RUNX1T1: variants seen among roughly 807,000 people sequenced by gnomAD.
RUNX1T1 encodes the protein RUNX1 partner transcriptional co-repressor 1.
In RUNX1T1, 4 loss-of-function variants were observed where a neutral mutation model predicts 62.8. The observed-to-expected ratio is 0.06, with a 90% CI of 0.03 to 0.15. The LOEUF (loss-of-function observed/expected upper bound fraction) is 0.15, where lower values mean the gene tolerates loss of function less well. Among genes scored for constraint, RUNX1T1 ranks in the 10% least tolerant of loss-of-function variants. RUNX1T1 has a pLI of 1.00. For synonymous variants in RUNX1T1, 291 were observed against 286.0 expected (o/e 1.02, Z -0.18); for missense variants, 508 against 754.3 (o/e 0.67, Z 3.82).
Position 91,970,043 on chromosome 8 carries a change from T to TGTGTGTGTGTGTTGTG in RUNX1T1, c.1458+614_1458+615insCACAACACACACACAC, listed in dbSNP as rs11374252. The stretch of plus-strand genomic sequence containing the variant: ...CTGTGTGTGTGTGTGTGTGTGTGTG[T>TGTGTGTGTGTGTTGTG]TGTGTGTGTGTGTGTGAGAATTATT... On this transcript the variant is annotated intron_variant, in intron 10 of 10. Coordinates refer to ENST00000396218, the Ensembl canonical transcript of RUNX1T1. 4.4e-3 allele frequency among the ~76,000 whole-genome samples: 623 copies of TGTGTGTGTGTGTTGTG among 142,794 alleles called. 5 individuals are homozygous for TGTGTGTGTGTGTTGTG. Among genetic ancestry groups the TGTGTGTGTGTGTTGTG allele is most frequent in the African/African-American group, 0.016 (596 of 37,792 alleles). 93.7% of individuals were successfully genotyped at this position (142,794 alleles called of 152,430 possible). A position where few individuals can be genotyped will look rare whatever the true frequency, so the allele number is the denominator to read the frequency against.
chr8:92,095,399 C>T, intron 1 of RUNX1T1: 2 of 1,535,552 alleles, frequency 1.3e-6, no homozygotes, highest in South Asian at 2.4e-5. Context: ...GCACCCAGAC[C>T]GCGGCTTTGT....
chr8:91,977,424 T>C (rs1324046401), intron 8 of RUNX1T1: 5 of 195,156 alleles, frequency 2.6e-5, no homozygotes, highest in Admixed American at 6.1e-5. Context: ...AAAACGTTTT[T>C]ACTGAAGTAA....
chr8:92,097,821 A>G (rs1242100647), intron 1 of RUNX1T1, among the ~76,000 whole-genome samples: 2 of 152,202 alleles, frequency 1.3e-5, no homozygotes, highest in Non-Finnish European at 2.9e-5. Flanking sequence ...AGATCAACCA[A>G]TTCTCAAATG....
At chr8:92,014,059 A>G (rs1332804182) in intron 3 of RUNX1T1, among the ~76,000 whole-genome samples, 4 of 152,154 alleles carry the variant, frequency 2.6e-5, no homozygotes, top group Non-Finnish European at 5.9e-5. Context: ...AAAAAATTTC[A>G]ATGTTATTCA....
At chr8:92,095,915 T>G (rs1004480311) in intron 1 of RUNX1T1, among the ~76,000 whole-genome samples, 1 of 152,184 alleles carries the variant, frequency 6.6e-6, no homozygotes, top group Non-Finnish European at 1.5e-5. Context: ...AAGAGCTCTC[T>G]TTTGGCAGAG....
In RUNX1T1 at chr8:92,018,738, A is replaced by G. The variant is rs150215182; in HGVS notation, c.8-1375T>C. ...AATTGCTTAACACTTGGGTTGCAAT[A>G]AAACACAACATTTAAAAGTTGAAAT... On this transcript the variant is annotated intron_variant, in intron 1 of 10. Coordinates refer to ENST00000396218, the Ensembl canonical transcript of RUNX1T1. Among the ~76,000 whole-genome samples, 32 of 152,342 alleles carry G rather than the reference A, an allele frequency of 2.1e-4. 1 individual carries two copies. Among genetic ancestry groups the G allele is most frequent in the African/African-American group, 7.5e-4 (31 of 41,584 alleles).
chr8:92,002,364 T>A (rs900240253), intron 5 of RUNX1T1, among the ~76,000 whole-genome samples: 10 of 151,974 alleles, frequency 6.6e-5, no homozygotes, highest in African/African-American at 2.4e-4. Context: ...AACAATTTCA[T>A]AGACTTCCCT....
At chr8:92,049,064 G>A (rs1829848146) in intron 1 of RUNX1T1, among the ~76,000 whole-genome samples, 1 of 152,114 alleles carries the variant, frequency 6.6e-6, no homozygotes, top group Admixed American at 6.5e-5. Flanking sequence ...CACCTGATCA[G>A]CTGGTTTTTC....
chr8:91,987,042 A>G (rs1816717867), intron 6 of RUNX1T1, 70 bp from the exon 8 acceptor site: 3 of 1,007,258 alleles, frequency 3.0e-6, no homozygotes, highest in Admixed American at 1.7e-5. Flanking sequence ...ACAGACTCAT[A>G]GCAAGGACTA....
exon 1 of RUNX1T1, chr8:92,062,667 G>A: frequency 1.2e-6 from 2 of 1,613,492 alleles, no homozygotes; most frequent in South Asian, 2.2e-5. Context: ...CATCAGAGGG[G>A]CTGGGGCGGC....
chr8:92,100,565 C>T (rs888454625), upstream of RUNX1T1, among the ~76,000 whole-genome samples: 1 of 152,088 alleles, frequency 6.6e-6, no homozygotes, highest in Non-Finnish European at 1.5e-5. Context: ...ATGCTGAACA[C>T]AGCACAAGAA....
At chr8:91,977,418 C>T (rs561070266) in intron 8 of RUNX1T1, 2 of 194,130 alleles carry the variant, frequency 1.0e-5, no homozygotes, top group South Asian at 3.8e-4. Context: ...AAAATAAAAA[C>T]GTTTTTACTG....
At chr8:91,994,352 C>A in intron 5 of RUNX1T1, 1 of 189,758 alleles carries the variant, frequency 5.3e-6, no homozygotes, top group Non-Finnish European at 1.1e-5. Flanking sequence ...CCATGTGATT[C>A]TAATCTGTAT....
intron 1 of RUNX1T1, among the ~76,000 whole-genome samples, chr8:92,020,907 T>C (rs1219965744): frequency 2.0e-5 from 3 of 151,060 alleles, no homozygotes; most frequent in Non-Finnish European, 4.4e-5. Flanking sequence ...TTAGTTCAAA[T>C]AGCACCAGAT....
chr8:91,957,488 C>T, downstream of RUNX1T1: 1 of 198,276 alleles, frequency 5.0e-6, no homozygotes, highest in African/African-American at 3.3e-5. Flanking sequence ...AGAGATAGAG[C>T]TCAGAGTTAG....
intron 10 of RUNX1T1, among the ~76,000 whole-genome samples, chr8:91,967,197 G>A (rs571388270): frequency 2.8e-4 from 43 of 152,230 alleles, no homozygotes; most frequent in Non-Finnish European, 5.0e-4. Flanking sequence ...AACACTCATC[G>A]TAGGTCGTCT....
At chr8:91,964,823 G>C (rs1045437037) in intron 10 of RUNX1T1, among the ~76,000 whole-genome samples, 2 of 152,158 alleles carry the variant, frequency 1.3e-5, no homozygotes, top group African/African-American at 4.8e-5. Context: ...CAAAGACAAG[G>C]TGTCAGAGTG....
At chr8:92,079,307 G>C (rs1027053178) in intron 1 of RUNX1T1, among the ~76,000 whole-genome samples, 4 of 152,082 alleles carry the variant, frequency 2.6e-5, no homozygotes, top group African/African-American at 9.7e-5. Context: ...TGTTTCCAAG[G>C]GGAATCACCA....
At chr8:92,051,574 ACACT>A (rs1830238429) in intron 1 of RUNX1T1, among the ~76,000 whole-genome samples, 2 of 151,286 alleles carry the variant, frequency 1.3e-5, no homozygotes, top group Non-Finnish European at 2.9e-5. Context: ...TCACATACAC[ACACT>A]CTCTCTCTCA....
Sources: gnomAD v4.1 joint callset for allele counts (sites outside exome capture counted in the v4.1 genomes callset) on GRCh38, gnomAD v4.1.1 for gene constraint, MANE v1.5 for transcripts, NCBI Gene and HGNC (gene_info 2026-07-23, HGNC 2026-07-21) for gene names.